The following FBN3 variants were observed in gnomAD, a reference collection of about 807,000 sequenced individuals.
The protein encoded by FBN3 is fibrillin 3.
In FBN3, 234 loss-of-function variants were observed where a neutral mutation model predicts 330.1. The observed-to-expected ratio is 0.71, with a 90% CI of 0.64 to 0.79. The LOEUF is 0.79. Ranked by LOEUF, FBN3 falls within the 30% of genes least tolerant of loss-of-function variation. The pLI, the probability that FBN3 is intolerant of heterozygous loss-of-function variation, is 0.00. For missense variants in FBN3, 3,606 were observed against 3,886.9 expected (o/e 0.93, Z 1.92); for synonymous variants, 1,458 against 1,517.3 (o/e 0.96, Z 0.91).
At position 8,121,424 on chromosome 19, in the gene FBN3, G is replaced by A; in HGVS notation, c.3083-38C>T. ...GGGGCAGAGGCCGGAGGCGCCATGT[G>A]GGCCGCATCATGGGGCACGAGGCAG... On this transcript the variant is annotated intron_variant, in intron 24 of 63. Transcript: ENST00000600128. This position sits in a 1 kb window ranked among gnomAD's most constrained non-coding sequence, Gnocchi z 4.5. 1 of 1,549,438 alleles carries A rather than the reference G, an allele frequency of 6.5e-7. No individual in the cohort carries two copies. Among genetic ancestry groups the A allele is most frequent in the Non-Finnish European group, 8.7e-7 (1 of 1,144,304 alleles).
rs759369766 is a variant in FBN3, at chr19:8,100,874, G to A, written c.5161+27C>T. The stretch of plus-strand genomic sequence containing the variant: ...GCAGACCCAGGTGGATGGGTGCCCA[G>A]GGATAGAGCAGGGACCACTCACTCA... On this transcript the variant is annotated intron_variant, in intron 41 of 63. Transcript: ENST00000600128. The A allele has an allele frequency of 3.1e-6, 5 of 1,603,262 alleles. No individual in the cohort carries two copies. The East Asian group carries it at 1.1e-4, about 36-fold the overall frequency.
intron 41 of FBN3, 98 bp downstream of exon 41, chr19:8,100,803 T>TAAAAA: frequency 3.8e-6 from 3 of 796,270 alleles, no homozygotes; most frequent in Admixed American, 2.2e-5. Flanking sequence ...GATGGAGGAG[T>TAAAAA]GGATGTAAGG....
chr19:8,125,626 A>T (rs2082959015), intron 22 of FBN3, among the ~76,000 whole-genome samples: 1 of 151,926 alleles, frequency 6.6e-6, no homozygotes, highest in Non-Finnish European at 1.5e-5. Flanking sequence ...CCCCATCTCT[A>T]CTAAAAATAC....
rs751250905 is a variant in FBN3 at position 8,146,154 on chromosome 19, G to A, written c.322C>T (p.Leu108=). The change falls in exon 4 of 64, where the codon CTG becomes TTG. Residue 108 remains leucine, a synonymous_variant. Coordinates refer to ENST00000600128, the MANE Select transcript of FBN3 (RefSeq NM_032447.5). ...PNLCTCADGT[L]APSCGVSRGS... The stretch of plus-strand genomic sequence containing the variant: ...CGGCTCACCCCGCAGCTGGGAGCCA[G>A]CGTCCCATCCGCACAGGTGCACAGG... The A allele has an allele frequency of 2.5e-6, 4 of 1,601,124 alleles. No homozygotes were observed. Among genetic ancestry groups the A allele is most frequent in the Non-Finnish European group, 2.6e-6 (3 of 1,175,232 alleles).
At position 8,118,981 on chromosome 19, in the gene FBN3, CT is replaced by C; in HGVS notation, c.3252del (p.Gly1085AlafsTer20). The C allele has an allele frequency of 6.2e-7, 1 of 1,610,914 alleles. No individual in the cohort carries two copies. Among genetic ancestry groups the C allele is most frequent in the Non-Finnish European group, 8.5e-7 (1 of 1,177,302 alleles). ...ECARDPLLCR[G>X]GTCTNTDGSY... ...CTCCCATCCGTGTTGGTGCAAGTGCCTCCCCGGCAGAGCAGCGGGTCCCTTG... is the reference window on the plus strand; with the variant it reads ...CTCCCATCCGTGTTGGTGCAAGTGCCCCCCGGCAGAGCAGCGGGTCCCTTG... On this transcript the variant is annotated frameshift_variant, in exon 26 of 64. Transcript: ENST00000600128. LOFTEE classifies it high-confidence loss of function.
intron 58 of FBN3, 47 bp from the exon 59 acceptor site, chr19:8,081,166 G>A (rs753085972): frequency 1.9e-6 from 3 of 1,559,260 alleles, no homozygotes; most frequent in South Asian, 1.1e-5. Context: ...CCCAGTGGGG[G>A]ATTAGGGGCT....
In FBN3 at chr19:8,081,261, G is replaced by A. The variant is rs57192694; in HGVS notation, c.7336+97C>T. The A allele has an allele frequency of 7.6e-3, 11,412 of 1,498,432 alleles. 708 individuals are homozygous for A. The African/African-American group carries it at 0.13, about 18-fold the overall frequency. The allele number at this position is 1,498,432 out of a possible 1,614,324, so 92.8% of individuals were successfully genotyped here. ...ATGGTGCTTGACTCCATGCAGATGG[G>A]AGGGGGTGAGATTGCAGGGGACATG... On this transcript the variant is annotated intron_variant, in intron 58 of 63. Coordinates refer to ENST00000600128, the MANE Select transcript of FBN3 (RefSeq NM_032447.5).
intron 63 of FBN3, among the ~76,000 whole-genome samples, chr19:8,068,072 A>T (rs569354505): frequency 8.9e-4 from 135 of 152,176 alleles, no homozygotes; most frequent in African/African-American, 3.1e-3. Flanking sequence ...CCCAAAAAAA[A>T]GAAAATAAAT....
At position 8,096,117 on chromosome 19, in the gene FBN3, C is replaced by T. The variant is rs778086769; in HGVS notation, c.5540-37G>A. On this transcript the variant is annotated intron_variant, in intron 44 of 63. Transcript: ENST00000600128. This position sits in a 1 kb window ranked among gnomAD's most constrained non-coding sequence, Gnocchi z 4.6. The stretch of plus-strand genomic sequence containing the variant: ...AAGCCGAGAGCCCAACCCAGCTCAC[C>T]CAGGGCATTGGGGAACTTGGGGAGT... 6.6e-7 allele frequency: 1 copy of T among 1,522,128 alleles called. No individual in the cohort carries two copies. The highest frequency in any genetic ancestry group is 9.1e-7 in the Non-Finnish European group (1 of 1,096,654). The allele number at this position is 1,522,128 out of a possible 1,614,324, so 94.3% of individuals were successfully genotyped here.
intron 59 of FBN3, among the ~76,000 whole-genome samples, chr19:8,077,913 C>CA (rs777658996): frequency 3.9e-4 from 60 of 152,006 alleles, no homozygotes; most frequent in Admixed American, 7.2e-4. Context: ...CCCGTCTCTA[C>CA]AAAAAATACA....
intron 47 of FBN3, among the ~76,000 whole-genome samples, chr19:8,092,908 G>T (rs1221447867): frequency 6.6e-6 from 1 of 151,928 alleles, no homozygotes; most frequent in African/African-American, 2.4e-5. Flanking sequence ...GACCCCCAGG[G>T]AAGGATGGGA....
chr19:8,090,392 T>G, intron 48 of FBN3, 141 bp from the exon 49 acceptor site: 1 of 898,996 alleles, frequency 1.1e-6, no homozygotes, highest in Non-Finnish European at 1.7e-6. Flanking sequence ...ATGCCCCTGG[T>G]CATGGTGATT....
In FBN3 at chr19:8,147,514, G is replaced by C. The variant is rs1376023340; in HGVS notation, c.-17-17C>G. On this transcript the variant is annotated splice_polypyrimidine_tract_variant and intron_variant, in intron 1 of 63. Coordinates refer to ENST00000600128, the MANE Select transcript of FBN3 (RefSeq NM_032447.5). ...CCCTGGAGGCTGCGGAGAGGAAGCA[G>C]AGTCAGCCCTAGATGAGCCCCCCAC... 2.1e-6 allele frequency: 3 copies of C among 1,435,940 alleles called. No individual in the cohort carries two copies. The highest frequency in any genetic ancestry group is 3.1e-5 in the South Asian group (2 of 65,058). 88.9% of individuals were successfully genotyped at this position (1,435,940 alleles called of 1,614,324 possible).
Position 8,149,314 on chromosome 19 carries a change from G to C in FBN3, c.-18+135C>G, listed in dbSNP as rs2083621895. The C allele has an allele frequency of 6.6e-6, 1 of 151,840 alleles. No homozygotes were observed. The highest frequency in any genetic ancestry group is 2.4e-5 in the African/African-American group (1 of 41,374). The allele number at this position is 151,840 out of a possible 1,614,324, so 9.4% of individuals were successfully genotyped here. ...CCACTAGAAGGCGGAGAGGGGAGGG[G>C]GCTGGGCCCGGGGCTGCCCGGCTGC... On this transcript the variant is annotated intron_variant, in intron 1 of 63. Coordinates refer to ENST00000600128, the MANE Select transcript of FBN3 (RefSeq NM_032447.5). This position sits in a 1 kb window ranked among gnomAD's most constrained non-coding sequence, Gnocchi z 5.5.
In FBN3 at chr19:8,138,547, A is replaced by T. The variant is rs2083341406; in HGVS notation, c.883T>A (p.Cys295Ser). ...CGGCCCCCGAAAAGCACTGAGAAGCAGGCGCCGGCCCGGTAGTCTGCAAAA... is the reference window on the plus strand; with the variant it reads ...CGGCCCCCGAAAAGCACTGAGAAGCTGGCGCCGGCCCGGTAGTCTGCAAAA... Reference protein sequence around the residue: ...AACEDYRAGACFSVLFGGRCA... With the variant: ...AACEDYRAGASFSVLFGGRCA... The change falls in exon 9 of 64, where the codon TGC becomes AGC. Residue 295 changes from cysteine to serine, a missense_variant. By Grantham distance (112) the Cys-to-Ser change is moderately radical. Transcript: ENST00000600128. 1.4e-5 allele frequency: 23 copies of T among 1,610,756 alleles called. No homozygotes were observed. The highest frequency in any genetic ancestry group is 1.8e-5 in the Non-Finnish European group (21 of 1,179,504).
At chr19:8,092,471 G>C (rs1346326631) in intron 47 of FBN3, among the ~76,000 whole-genome samples, 2 of 152,050 alleles carry the variant, frequency 1.3e-5, no homozygotes, top group Non-Finnish European at 2.9e-5. Flanking sequence ...CCAGCACTTT[G>C]GGAGGCCAAG....
chr19:8,120,833 G>A (rs1192097544), intron 25 of FBN3, among the ~76,000 whole-genome samples: 2 of 152,202 alleles, frequency 1.3e-5, no homozygotes, highest in African/African-American at 4.8e-5. Flanking sequence ...CTGTTAGGCT[G>A]TGAGCTCCAA....
chr19:8,113,334 C>T (rs1318048315), intron 30 of FBN3, among the ~76,000 whole-genome samples: 2 of 152,128 alleles, frequency 1.3e-5, no homozygotes, highest in African/African-American at 4.8e-5. Flanking sequence ...TGCAATGGTG[C>T]AATCATAGCT....
At position 8,109,690 on chromosome 19, in the gene FBN3, C is replaced by T. The variant is rs1391932003; in HGVS notation, c.4397G>A (p.Ser1466Asn). 1.3e-6 allele frequency: 2 copies of T among 1,564,196 alleles called. No individual in the cohort carries two copies. The highest frequency in any genetic ancestry group is 1.7e-6 in the Non-Finnish European group (2 of 1,157,316). Residue 1466 changes from serine (S) to asparagine (N), a missense_variant, in exon 35 of 64, where the codon AGC becomes AAC. Ser to Asn is a conservative substitution (Grantham distance 46). Transcript: ENST00000600128. This position sits in a 1 kb window ranked among gnomAD's most constrained non-coding sequence, Gnocchi z 5.2. ...INGVCINTPG[S>N]YLCSCPQDFE... ...ATCCTGGGGGCAGCTGCAGAGGTAG[C>T]TGCCGGGGGTGTTAATGCACACGCC...
Sources: allele counts gnomAD v4.1 joint callset (sites outside exome capture counted in the v4.1 genomes callset), GRCh38; gene constraint gnomAD v4.1.1; non-coding constraint Gnocchi (gnomAD v3.1); transcripts MANE v1.5; gene names NCBI Gene and HGNC (gene_info 2026-07-23, HGNC 2026-07-21).